Variants in VPS41 observed in about 807,000 individuals in gnomAD.
VPS41 encodes the protein VPS41 subunit of HOPS complex, also known as vacuolar protein sorting-associated protein 41 homolog.
In VPS41, 85 loss-of-function variants were observed where a neutral mutation model predicts 130.9. The ratio of observed to expected loss-of-function variants is 0.65; its 90% CI spans 0.55 to 0.78. The LOEUF (loss-of-function observed/expected upper bound fraction) is 0.78, where lower values mean the gene tolerates loss of function less well. Among genes scored for constraint, VPS41 ranks in the 30% least tolerant of loss-of-function variants. VPS41 has a pLI of 0.00. For missense variants in VPS41, 874 were observed against 1,018.7 expected (o/e 0.86, Z 1.93); for synonymous variants, 335 against 332.9 (o/e 1.01, Z -0.07).
At chr7:38,730,785 T>A (rs1331447427) in intron 25 of VPS41, among the ~76,000 whole-genome samples, 1 of 152,210 alleles carries the variant, frequency 6.6e-6, no homozygotes. Flanking sequence ...ACATCTCAGA[T>A]AAAACAATTT....
chr7:38,818,135 C>A (rs1785096189), intron 6 of VPS41, among the ~76,000 whole-genome samples: 1 of 151,992 alleles, frequency 6.6e-6, no homozygotes, highest in African/African-American at 2.4e-5. Context: ...GGCTGAGGAC[C>A]CCTATAAGTG....
chr7:38,882,283 C>G (rs1786625960), intron 2 of VPS41, among the ~76,000 whole-genome samples: 1 of 152,184 alleles, frequency 6.6e-6, no homozygotes, highest in South Asian at 2.1e-4. Context: ...GGGATCCTCC[C>G]TTGGTTTCTG....
rs1467875907 is a variant in VPS41 at position 38,724,258 on chromosome 7, G to GT, written c.*1987dup. On this transcript the variant is annotated 3_prime_UTR_variant, in exon 29 of 29. Transcript: ENST00000310301. ...AGCAAATCCTATTGATGATCTTAAAGTAAACTTTTCTGGAAATGAGCTTGC... is the reference window on the plus strand; with the variant it reads ...AGCAAATCCTATTGATGATCTTAAAGTTAAACTTTTCTGGAAATGAGCTTGC... 2 of 152,156 alleles carry GT rather than the reference G, an allele frequency of 1.3e-5. No individual in the cohort carries two copies. The highest frequency in any genetic ancestry group is 4.8e-5 in the African/African-American group (2 of 41,428). 9.4% of individuals were successfully genotyped at this position (152,156 alleles called of 1,614,324 possible).
chr7:38,765,748 C>A, intron 15 of VPS41, 87 bp from the exon 16 acceptor site: 2 of 832,738 alleles, frequency 2.4e-6, no homozygotes, highest in East Asian at 2.7e-5. Flanking sequence ...GACATTTTCC[C>A]CAGAGGTTTA....
intron 2 of VPS41, among the ~76,000 whole-genome samples, chr7:38,876,512 T>C (rs2116364122): frequency 6.6e-6 from 1 of 152,310 alleles, no homozygotes; most frequent in East Asian, 1.9e-4. Flanking sequence ...CCGGTTGCTG[T>C]AACTATTAAA....
rs112877424 is a variant in VPS41, at chr7:38,872,311, C to T, written c.61-3058G>A. On this transcript the variant is annotated intron_variant, in intron 2 of 28. Transcript: ENST00000310301. ...TCCAAGAGGAAACAAAGTGGAAGCC[C>T]CATCCATGTTTCATATGGCCTCAGA... Among the ~76,000 whole-genome samples the T allele has an allele frequency of 2.4e-3, 373 of 152,304 alleles. 1 individual carries two copies. Among genetic ancestry groups the T allele is most frequent in the Non-Finnish European group, 3.9e-3 (263 of 68,028 alleles).
chr7:38,740,045 T>C (rs1562566935), intron 25 of VPS41, among the ~76,000 whole-genome samples: 1 of 152,184 alleles, frequency 6.6e-6, no homozygotes, highest in Non-Finnish European at 1.5e-5. Context: ...TCTGGAAGAA[T>C]GACCTAGTCA....
At chr7:38,852,267 G>C (rs926571868) in intron 4 of VPS41, among the ~76,000 whole-genome samples, 2 of 152,142 alleles carry the variant, frequency 1.3e-5, no homozygotes, top group Admixed American at 6.5e-5. Context: ...GATCCAGTAA[G>C]ATCAGACCTC....
chr7:38,737,104 G>A (rs1358005533), intron 25 of VPS41, among the ~76,000 whole-genome samples: 3 of 152,154 alleles, frequency 2.0e-5, no homozygotes, highest in African/African-American at 7.2e-5. Context: ...GGCCAGGCGC[G>A]GTGGCTCACA....
intron 7 of VPS41, 131 bp from the exon 8 acceptor site, chr7:38,796,995 T>G (rs372089129): frequency 7.1e-6 from 7 of 981,006 alleles, no homozygotes; most frequent in East Asian, 5.0e-5. Flanking sequence ...TAATGTAGAC[T>G]TACAGTAGTA....
intron 17 of VPS41, among the ~76,000 whole-genome samples, chr7:38,762,420 C>G (rs375598120): frequency 5.3e-5 from 8 of 152,306 alleles, no homozygotes; most frequent in African/African-American, 1.7e-4. Flanking sequence ...TTAAACAAAG[C>G]TTAACTGTTT....
In VPS41 at chr7:38,752,327, A is replaced by T. The variant is rs752420386; in HGVS notation, c.1789-14T>A. Reference sequence around the variant, plus strand: ...CTTATGCAAATACTAAAAGGAACAAAAGATAAGCCGTGACCCATTAAAATG... The same window carrying T: ...CTTATGCAAATACTAAAAGGAACAATAGATAAGCCGTGACCCATTAAAATG... On this transcript the variant is annotated splice_polypyrimidine_tract_variant and intron_variant, in intron 21 of 28. Transcript: ENST00000310301. The T allele has an allele frequency of 1.9e-6, 3 of 1,613,338 alleles. No homozygotes were observed. Among genetic ancestry groups the T allele is most frequent in the Non-Finnish European group, 2.5e-6 (3 of 1,179,702 alleles).
chr7:38,806,547 C>T (rs1249812059), intron 7 of VPS41, among the ~76,000 whole-genome samples: 2 of 152,092 alleles, frequency 1.3e-5, no homozygotes, highest in Admixed American at 1.3e-4. Context: ...TCTAAACATT[C>T]CTTTACTTTT....
At position 38,865,941 on chromosome 7, in the gene VPS41, T is replaced by A. The variant is rs534120965; in HGVS notation, c.168+3205A>T. On this transcript the variant is annotated intron_variant, in intron 3 of 28. Transcript: ENST00000310301. Reference sequence around the variant, plus strand: ...AATTCTAAGAAGGAGGATTACATGATCAGGTTGAGGTTTCTGGAAGATTAC... The same window carrying A: ...AATTCTAAGAAGGAGGATTACATGAACAGGTTGAGGTTTCTGGAAGATTAC... Among the ~76,000 whole-genome samples, 5 of 152,320 alleles carry A rather than the reference T, an allele frequency of 3.3e-5. No homozygotes were observed. The South Asian group carries it at 1.0e-3, about 32-fold the overall frequency.
intron 10 of VPS41, among the ~76,000 whole-genome samples, chr7:38,782,026 T>G (rs2115899853): frequency 6.6e-6 from 1 of 152,354 alleles, no homozygotes; most frequent in South Asian, 2.1e-4. Context: ...TTCTGCTGTT[T>G]CCATTTGATA....
intron 4 of VPS41, among the ~76,000 whole-genome samples, chr7:38,837,831 G>A (rs1371524506): frequency 1.3e-5 from 2 of 152,076 alleles, no homozygotes; most frequent in Non-Finnish European, 2.9e-5. Flanking sequence ...TAATGTTTGG[G>A]TTACTCCTTT....
At chr7:38,836,518 T>A (rs1306491914) in intron 4 of VPS41, among the ~76,000 whole-genome samples, 1 of 152,158 alleles carries the variant, frequency 6.6e-6, no homozygotes, top group African/African-American at 2.4e-5. Flanking sequence ...GAGATGTCCA[T>A]AATTTTTAAA....
chr7:38,730,083 T>C (rs903446576), intron 25 of VPS41, among the ~76,000 whole-genome samples: 3 of 152,152 alleles, frequency 2.0e-5, no homozygotes, highest in Admixed American at 1.3e-4. Context: ...TGTCACATCA[T>C]AGAAGTTCAC....
intron 4 of VPS41, among the ~76,000 whole-genome samples, chr7:38,848,809 G>A (rs1255538562): frequency 3.9e-5 from 6 of 152,042 alleles, no homozygotes; most frequent in South Asian, 2.1e-4. Flanking sequence ...GGACATTACC[G>A]CCCCGCCAGA....
Sources: allele counts gnomAD v4.1 joint callset (sites outside exome capture counted in the v4.1 genomes callset), GRCh38; gene constraint gnomAD v4.1.1; transcripts MANE v1.5; gene names NCBI Gene and HGNC (gene_info 2026-07-23, HGNC 2026-07-21).